The following SLC25A13 variants were observed in gnomAD, a reference collection of about 807,000 sequenced individuals.
The protein encoded by SLC25A13 is solute carrier family 25 member 13.
SLC25A13 carries 70 observed loss-of-function variants against 85.5 expected under a neutral mutation model. That is an observed-to-expected ratio of 0.82 (90% CI 0.68 to 1.00). SLC25A13 has a LOEUF of 1.00. Ranked by LOEUF, SLC25A13 falls within the 50% of genes least tolerant of loss-of-function variation. The probability of loss-of-function intolerance (pLI) is 0.00; values close to 1 mark genes in which losing one functional copy is unlikely to be tolerated. For synonymous variants in SLC25A13, 259 were observed against 288.7 expected (o/e 0.90, Z 1.04); for missense variants, 765 against 819.8 (o/e 0.93, Z 0.82).
At chr7:96,189,496 C>A in intron 8 of SLC25A13, 85 bp downstream of exon 8, 1 of 1,531,944 alleles carries the variant, frequency 6.5e-7, no homozygotes, top group Admixed American at 1.7e-5. Context: ...TTCAGTTTGG[C>A]TTCTTTTTCT....
At chr7:96,219,767 C>T (rs1207005927) in intron 4 of SLC25A13, 3 of 533,500 alleles carry the variant, frequency 5.6e-6, no homozygotes, top group Admixed American at 1.9e-5. Flanking sequence ...CTCCCTCCTC[C>T]TCTATAATCT....
chr7:96,268,803 C>G (rs911563317), intron 3 of SLC25A13, among the ~76,000 whole-genome samples: 2 of 152,162 alleles, frequency 1.3e-5, no homozygotes, highest in East Asian at 3.9e-4. Flanking sequence ...ACCACCATGC[C>G]CTGCACTTCC....
chr7:96,204,138 T>G (rs1795370604), intron 5 of SLC25A13, among the ~76,000 whole-genome samples: 1 of 152,114 alleles, frequency 6.6e-6, no homozygotes, highest in Non-Finnish European at 1.5e-5. Flanking sequence ...TACCATAGAG[T>G]AGGTTTATTC....
intron 13 of SLC25A13, among the ~76,000 whole-genome samples, chr7:96,147,930 C>CTT (rs796679264): frequency 2.1e-5 from 3 of 143,770 alleles, no homozygotes; most frequent in East Asian, 2.0e-4. Flanking sequence ...CTTTCTTTTC[C>CTT]TTTTTTTTTT....
intron 13 of SLC25A13, among the ~76,000 whole-genome samples, chr7:96,153,777 A>T (rs1793141103): frequency 1.3e-5 from 2 of 152,252 alleles, no homozygotes; most frequent in Non-Finnish European, 2.9e-5. Flanking sequence ...GGGACCCGAC[A>T]TTCAAAAACA....
chr7:96,246,275 C>T (rs1385411382), intron 3 of SLC25A13, among the ~76,000 whole-genome samples: 1 of 152,226 alleles, frequency 6.6e-6, no homozygotes, highest in Admixed American at 6.5e-5. Flanking sequence ...CCCATACATA[C>T]TTTTAGTTAA....
At chr7:96,298,767 G>A (rs529150202) in intron 1 of SLC25A13, among the ~76,000 whole-genome samples, 2 of 152,248 alleles carry the variant, frequency 1.3e-5, no homozygotes, top group African/African-American at 4.8e-5. Flanking sequence ...TCCTGAATTA[G>A]TAAGTGTTCT....
Position 96,205,249 on chromosome 7 carries a change from T to C in SLC25A13, c.468+3589A>G, listed in dbSNP as rs543689252. The stretch of plus-strand genomic sequence containing the variant: ...CAATTACAGTTCCATCAGATTAGAA[T>C]AGAAAAATTTCTCCAAATTATTTTC... On this transcript the variant is annotated intron_variant, in intron 5 of 17. Coordinates refer to ENST00000265631, the MANE Select transcript of SLC25A13 (RefSeq NM_014251.3). 9.1e-4 allele frequency among the ~76,000 whole-genome samples: 138 copies of C among 152,280 alleles called. 4 individuals are homozygous for C. The South Asian group carries it at 0.027, about 30-fold the overall frequency.
At chr7:96,168,038 TGCAGTGAGCCAA>T (rs1793830423) in intron 13 of SLC25A13, among the ~76,000 whole-genome samples, 1 of 127,196 alleles carries the variant, frequency 7.9e-6, no homozygotes, top group Non-Finnish European at 1.6e-5. Context: ...AGGTGGAGGC[TGCAGTGAGCCAA>T]GATCCCGCCA....
intron 3 of SLC25A13, among the ~76,000 whole-genome samples, chr7:96,268,890 C>G (rs1798129546): frequency 6.6e-6 from 1 of 152,208 alleles, no homozygotes; most frequent in Non-Finnish European, 1.5e-5. Context: ...CTGCAACTCT[C>G]TGTCCTCTGT....
chr7:96,214,542 C>T (rs1363627151), intron 4 of SLC25A13, among the ~76,000 whole-genome samples: 1 of 152,114 alleles, frequency 6.6e-6, no homozygotes, highest in Non-Finnish European at 1.5e-5. Context: ...GCCTGGCCAA[C>T]AGGGTGAAAC....
intron 1 of SLC25A13, among the ~76,000 whole-genome samples, chr7:96,311,943 G>A (rs1039533425): frequency 1.5e-4 from 23 of 152,104 alleles, no homozygotes; most frequent in African/African-American, 5.6e-4. Context: ...GTTATGTCCC[G>A]TTCACAAACT....
At chr7:96,292,984 C>T (rs1485513791) in intron 2 of SLC25A13, among the ~76,000 whole-genome samples, 3 of 152,264 alleles carry the variant, frequency 2.0e-5, no homozygotes, top group African/African-American at 7.2e-5. Context: ...CAATCCTAAG[C>T]CAAAAGAACA....
At chr7:96,180,120 T>G (rs1352123376) in intron 11 of SLC25A13, among the ~76,000 whole-genome samples, 2 of 152,108 alleles carry the variant, frequency 1.3e-5, no homozygotes, top group Non-Finnish European at 2.9e-5. Flanking sequence ...CAACTTGAAA[T>G]AGAAATATTT....
At chr7:96,194,442 CAAAAAAAAAAAAA>C (rs546248549) in intron 5 of SLC25A13, among the ~76,000 whole-genome samples, 2 of 27,694 alleles carry the variant, frequency 7.2e-5, no homozygotes, top group Admixed American at 1.7e-3. Flanking sequence ...AACCTTGTCT[CAAAAAAAAAAAAA>C]AAAAAAAAAA....
chr7:96,322,004 T>G lies in SLC25A13; in HGVS notation c.-48A>C. 6.5e-7 allele frequency: 1 copy of G among 1,532,860 alleles called. No homozygotes were observed. The highest frequency in any genetic ancestry group is 1.8e-4 in the Middle Eastern group (1 of 5,562). 95.0% of individuals were successfully genotyped at this position (1,532,860 alleles called of 1,614,324 possible). A position where few individuals can be genotyped will look rare whatever the true frequency, so the allele number is the denominator to read the frequency against. On this transcript the variant is annotated 5_prime_UTR_variant, in exon 1 of 18. Transcript: ENST00000265631. ...CTGCGGGACCCACTGACTGGCTGGCTGGCGTTTGGGACCCGGGCGGCTCAC... is the reference window on the plus strand; with the variant it reads ...CTGCGGGACCCACTGACTGGCTGGCGGGCGTTTGGGACCCGGGCGGCTCAC...
chr7:96,245,155 T>C (rs1035880254), intron 3 of SLC25A13, among the ~76,000 whole-genome samples: 1 of 152,192 alleles, frequency 6.6e-6, no homozygotes, highest in African/African-American at 2.4e-5. Flanking sequence ...TCTTATAAGA[T>C]GGATCAAGCA....
At chr7:96,240,728 A>G (rs1796937248) in intron 3 of SLC25A13, among the ~76,000 whole-genome samples, 1 of 147,194 alleles carries the variant, frequency 6.8e-6, no homozygotes, top group Admixed American at 7.0e-5. Context: ...TGGGCTACAG[A>G]GTGAGACACC....
In SLC25A13 at chr7:96,239,037, T is replaced by TTATA. The variant is rs58990918; in HGVS notation, c.213-4124_213-4121dup. Among the ~76,000 whole-genome samples the TTATA allele has an allele frequency of 2.1e-3, 274 of 130,848 alleles. 1 individual carries two copies. Among genetic ancestry groups the TTATA allele is most frequent in the African/African-American group, 4.5e-3 (151 of 33,632 alleles). The allele number at this position is 130,848 out of a possible 152,430, so 85.8% of individuals were successfully genotyped here. ...TATATTATATATATGACTATATATT[T>TTATA]TATATATATATATATATATATATAT... On this transcript the variant is annotated intron_variant, in intron 3 of 17. Coordinates refer to ENST00000265631, the MANE Select transcript of SLC25A13 (RefSeq NM_014251.3).
Sources: allele counts gnomAD v4.1 joint callset (sites outside exome capture counted in the v4.1 genomes callset), GRCh38; gene constraint gnomAD v4.1.1; transcripts MANE v1.5; gene names NCBI Gene and HGNC (gene_info 2026-07-23, HGNC 2026-07-21).